The following PRICKLE2 variants were observed in gnomAD, a reference collection of about 807,000 sequenced individuals.
PRICKLE2 encodes the protein prickle-like protein 2.
In PRICKLE2, 21 loss-of-function variants were observed where a neutral mutation model predicts 81.4. That is an observed-to-expected ratio of 0.26 (90% CI 0.18 to 0.37). The LOEUF is 0.37. Ranked by LOEUF, PRICKLE2 falls within the 10% of genes least tolerant of loss-of-function variation. The probability of loss-of-function intolerance (pLI) is 1.00; values close to 1 mark genes in which losing one functional copy is unlikely to be tolerated. For synonymous variants in PRICKLE2, 456 were observed against 421.5 expected (o/e 1.08, Z -1.00); for missense variants, 940 against 1,109.0 (o/e 0.85, Z 2.16).
chr3:64,228,100 A>AT (rs1396700628), upstream of PRICKLE2, among the ~76,000 whole-genome samples: 2 of 152,158 alleles, frequency 1.3e-5, no homozygotes, highest in Non-Finnish European at 2.9e-5. Context: ...AGACAACTAT[A>AT]TTTTTGAGAT....
chr3:64,147,395 C>T lies in PRICKLE2; in HGVS notation c.1095G>A (p.Leu365=), dbSNP rs2077474319. Residue 365 remains leucine, a synonymous_variant, in exon 7 of 8, where the codon CTG becomes CTA. Transcript: ENST00000638394. The surrounding 1 kb of genome is among the most constrained non-coding windows in gnomAD (Gnocchi z 5.0). ...GTGACAGGGGGTCTACGTCGGCTGA[C>T]AGCCGGTTAGAACTCACTTGCAGCT... ...HSQLQVSSNR[L]SADVDPLSLQ... is the part of the protein sequence containing the mutation. 1 of 1,614,288 alleles carries T rather than the reference C, an allele frequency of 6.2e-7. No homozygotes were observed. Among genetic ancestry groups the T allele is most frequent in the African/African-American group, 1.3e-5 (1 of 75,080 alleles).
chr3:64,123,632 T>G lies in PRICKLE2; in HGVS notation c.1660+23198A>C, dbSNP rs145239601. On this transcript the variant is annotated intron_variant, in intron 7 of 7. Coordinates refer to ENST00000638394, the MANE Select transcript of PRICKLE2 (RefSeq NM_198859.4). ...TTGTGTCTCTGTCACATTGTGGTAA[T>G]TCTCACAATATTTCAAACTTTCTCA... Among the ~76,000 whole-genome samples, 506 of 152,350 alleles carry G rather than the reference T, an allele frequency of 3.3e-3. 2 individuals are homozygous for G. Among genetic ancestry groups the G allele is most frequent in the African/African-American group, 0.011 (475 of 41,576 alleles).
intron 7 of PRICKLE2, among the ~76,000 whole-genome samples, chr3:64,115,294 A>G (rs1444064236): frequency 6.6e-6 from 1 of 152,202 alleles, no homozygotes; most frequent in Non-Finnish European, 1.5e-5. Flanking sequence ...TACATAAACA[A>G]GTTTGCAAAA....
intron 7 of PRICKLE2, chr3:64,103,510 G>C (rs1221210036): frequency 1.3e-5 from 2 of 152,168 alleles, no homozygotes; most frequent in East Asian, 1.9e-4. Flanking sequence ...TACAGGTCAG[G>C]GCAGTGGGAG....
In PRICKLE2 at chr3:64,160,021, G is replaced by A. The variant is rs780348941; in HGVS notation, c.315C>T (p.Ser105=). The A allele has an allele frequency of 9.3e-6, 15 of 1,614,010 alleles. No individual in the cohort carries two copies. Among genetic ancestry groups the A allele is most frequent in the Middle Eastern group, 1.6e-4 (1 of 6,084 alleles). The change falls in exon 4 of 8, where the codon AGC becomes AGT. Residue 105 remains serine, a synonymous_variant. Coordinates refer to ENST00000638394, the MANE Select transcript of PRICKLE2 (RefSeq NM_198859.4). ...CCAAGTTTTCGCGTTTCCTCTGGCT[G>A]CTGAAAAGCTTCAGCTCCCTCTTCT... The part of the protein sequence containing the change: ...EEEKRELKLF[S]SQRKRENLGR...
At chr3:64,198,211 AAAATAAATAAATAAAT>A (rs71099792) in intron 2 of PRICKLE2, among the ~76,000 whole-genome samples, 1,537 of 145,144 alleles carry the variant, frequency 0.011, 26 homozygotes, top group African/African-American at 0.036. Context: ...GACTCTATCT[AAAATAAATAAATAAAT>A]AAATAAATAA....
chr3:64,137,388 T>C (rs949292758), intron 7 of PRICKLE2, among the ~76,000 whole-genome samples: 9 of 152,114 alleles, frequency 5.9e-5, no homozygotes, highest in Non-Finnish European at 1.2e-4. Flanking sequence ...ACTGCTGGCC[T>C]CCACCCTGGA....
At chr3:64,216,238 T>TCACC (rs2078869896) in intron 1 of PRICKLE2, among the ~76,000 whole-genome samples, 1 of 152,230 alleles carries the variant, frequency 6.6e-6, no homozygotes, top group Non-Finnish European at 1.5e-5. Flanking sequence ...TTTAAACCTT[T>TCACC]CGGGTGACTT....
At position 64,138,780 on chromosome 3, in the gene PRICKLE2, G is replaced by C. The variant is rs752608331; in HGVS notation, c.1660+8050C>G. Among the ~76,000 whole-genome samples the C allele has an allele frequency of 5.9e-5, 9 of 152,258 alleles. 1 individual carries two copies. The highest frequency in any genetic ancestry group is 1.4e-4 in the African/African-American group (6 of 41,538). Reference sequence around the variant, plus strand: ...GACTCAAGGTTGTGATTCCAGACTGGACCACACATCTTCCCCAGTGACGGG... The same window carrying C: ...GACTCAAGGTTGTGATTCCAGACTGCACCACACATCTTCCCCAGTGACGGG... On this transcript the variant is annotated intron_variant, in intron 7 of 7. Coordinates refer to ENST00000638394, the MANE Select transcript of PRICKLE2 (RefSeq NM_198859.4).
chr3:64,170,703 T>TAAA (rs770744864), intron 2 of PRICKLE2, among the ~76,000 whole-genome samples: 7 of 113,378 alleles, frequency 6.2e-5, no homozygotes, highest in African/African-American at 7.1e-5. Flanking sequence ...CTAGAAACAT[T>TAAA]AAAAAAAAAA....
intron 7 of PRICKLE2, chr3:64,100,525 TATTTACTCTCTCAGACC>T (rs1190171534): frequency 6.5e-6 from 1 of 154,982 alleles, no homozygotes; most frequent in Non-Finnish European, 1.4e-5. Flanking sequence ...GATAGAGAAA[TATTTACTCTCTCAGACC>T]ATTCAGTGAA....
intron 2 of PRICKLE2, among the ~76,000 whole-genome samples, chr3:64,261,077 G>A (rs2079609338): frequency 6.6e-6 from 1 of 152,168 alleles, no homozygotes; most frequent in Admixed American, 6.5e-5. Context: ...ACAGAGTGCT[G>A]AAATAATGTC....
At chr3:64,148,629 T>C (rs1024461213) in intron 6 of PRICKLE2, among the ~76,000 whole-genome samples, 15 of 152,198 alleles carry the variant, frequency 9.9e-5, no homozygotes, top group African/African-American at 3.4e-4. Flanking sequence ...CCTAAAGTGA[T>C]GGCATTAGGA....
At chr3:64,121,883 C>T (rs1036134038) in intron 7 of PRICKLE2, among the ~76,000 whole-genome samples, 1 of 152,114 alleles carries the variant, frequency 6.6e-6, no homozygotes, top group African/African-American at 2.4e-5. Flanking sequence ...CCATAAATAC[C>T]AGTGAGATAC....
chr3:64,258,292 TG>T (rs1466783319), intron 2 of PRICKLE2, among the ~76,000 whole-genome samples: 3 of 152,188 alleles, frequency 2.0e-5, no homozygotes, highest in Non-Finnish European at 2.9e-5. Context: ...CAGCACTTTT[TG>T]TAAGTCTCTA....
chr3:64,198,673 A>T, intron 2 of PRICKLE2, 111 bp downstream of exon 2: 1 of 1,202,368 alleles, frequency 8.3e-7, no homozygotes, highest in Non-Finnish European at 1.2e-6. Flanking sequence ...TAGCCCTACC[A>T]CTTCTCTGAA....
At chr3:64,257,704 G>A (rs2079547579) in intron 2 of PRICKLE2, among the ~76,000 whole-genome samples, 1 of 152,196 alleles carries the variant, frequency 6.6e-6, no homozygotes, top group Non-Finnish European at 1.5e-5. Context: ...ATGGCCAATG[G>A]CTTGGGAGGG....
intron 1 of PRICKLE2, among the ~76,000 whole-genome samples, chr3:64,201,379 AT>A (rs1363401248): frequency 2.0e-5 from 3 of 151,972 alleles, no homozygotes; most frequent in African/African-American, 7.3e-5. Flanking sequence ...TGAGTGTTCC[AT>A]TTTCTCCATA....
At chr3:64,209,126 T>C (rs1490050221) in intron 1 of PRICKLE2, among the ~76,000 whole-genome samples, 1 of 151,646 alleles carries the variant, frequency 6.6e-6, no homozygotes, top group Non-Finnish European at 1.5e-5. Flanking sequence ...TTCATTCATA[T>C]CCATACATAC....
Sources: gnomAD v4.1 joint callset for allele counts (sites outside exome capture counted in the v4.1 genomes callset) on GRCh38, gnomAD v4.1.1 for gene constraint, Gnocchi (gnomAD v3.1) non-coding constraint, MANE v1.5 for transcripts, NCBI Gene and HGNC (gene_info 2026-07-23, HGNC 2026-07-21) for gene names.